CFAP299: variants seen among roughly 807,000 people sequenced by gnomAD.
CFAP299 encodes cilia and flagella associated protein 299, also known as cilia- and flagella-associated protein 299.
In CFAP299, 21 loss-of-function variants were observed where a neutral mutation model predicts 27.0. The observed-to-expected ratio is 0.78, with a 90% confidence interval of 0.55 to 1.12. The LOEUF (loss-of-function observed/expected upper bound fraction) is 1.12, where lower values mean the gene tolerates loss of function less well. Ranked by LOEUF, CFAP299 falls within the 50% of genes most tolerant of loss-of-function variation. The probability of loss-of-function intolerance (pLI) is 0.00; values close to 1 mark genes in which losing one functional copy is unlikely to be tolerated. For synonymous variants in CFAP299, 104 were observed against 98.1 expected (o/e 1.06, Z -0.36); for missense variants, 310 against 276.6 (o/e 1.12, Z -0.86).
chr4:80,436,189 A>G (rs540983621), intron 2 of CFAP299, among the ~76,000 whole-genome samples: 33 of 152,334 alleles, frequency 2.2e-4, no homozygotes, highest in African/African-American at 7.9e-4. Context: ...TAGGATTTCC[A>G]AAAATATGGT....
At chr4:80,696,880 A>G (rs1721129844) in intron 3 of CFAP299, among the ~76,000 whole-genome samples, 1 of 152,208 alleles carries the variant, frequency 6.6e-6, no homozygotes, top group African/African-American at 2.4e-5. Context: ...AAGTTGGGGA[A>G]GTAGCCAGAA....
chr4:80,535,842 A>C (rs1191513116), intron 2 of CFAP299, among the ~76,000 whole-genome samples: 1 of 152,186 alleles, frequency 6.6e-6, no homozygotes, highest in Non-Finnish European at 1.5e-5. Context: ...GTAAAGCACA[A>C]ATTATCCTTG....
chr4:80,636,964 A>G (rs1739487390), intron 3 of CFAP299, among the ~76,000 whole-genome samples: 1 of 152,212 alleles, frequency 6.6e-6, no homozygotes, highest in African/African-American at 2.4e-5. Flanking sequence ...GTTCACAAAA[A>G]TAATAATCAG....
intron 3 of CFAP299, among the ~76,000 whole-genome samples, chr4:80,727,060 G>T (rs1723205757): frequency 6.6e-6 from 1 of 152,000 alleles, no homozygotes; most frequent in South Asian, 2.1e-4. Flanking sequence ...ACAGATCAGT[G>T]GGAGTCAGGG....
At chr4:80,781,004 C>T (rs1443160828) in intron 3 of CFAP299, among the ~76,000 whole-genome samples, 1 of 151,748 alleles carries the variant, frequency 6.6e-6, no homozygotes, top group Non-Finnish European at 1.5e-5. Flanking sequence ...TTATTATATA[C>T]ATAATTATAT....
intron 3 of CFAP299, among the ~76,000 whole-genome samples, chr4:80,828,558 T>C (rs1371289148): frequency 6.6e-6 from 1 of 151,976 alleles, no homozygotes; most frequent in Non-Finnish European, 1.5e-5. Flanking sequence ...GCTGTCTTCA[T>C]GATAGTGAGT....
chr4:80,633,568 C>A (rs181005342), intron 3 of CFAP299, among the ~76,000 whole-genome samples: 1 of 152,134 alleles, frequency 6.6e-6, no homozygotes, highest in Non-Finnish European at 1.5e-5. Context: ...AATTTGCCAT[C>A]TTAAGAGACA....
intron 1 of CFAP299, among the ~76,000 whole-genome samples, chr4:80,344,340 A>T (rs2109974348): frequency 6.6e-6 from 1 of 152,238 alleles, no homozygotes; most frequent in South Asian, 2.1e-4. Context: ...ACCCCACAAA[A>T]ATACAACCAT....
intron 3 of CFAP299, among the ~76,000 whole-genome samples, chr4:80,690,145 A>G (rs1578022705): frequency 1.4e-5 from 2 of 142,342 alleles, no homozygotes; most frequent in Admixed American, 1.4e-4. Flanking sequence ...GAGACAGAAA[A>G]TCAACAAGGA....
intron 3 of CFAP299, among the ~76,000 whole-genome samples, chr4:80,765,669 T>G (rs902875215): frequency 6.6e-6 from 1 of 152,008 alleles, no homozygotes; most frequent in Admixed American, 6.6e-5. Context: ...AACATGCAGG[T>G]TTGTTAGCAC....
chr4:80,919,800 T>C (rs1011163015), intron 4 of CFAP299, among the ~76,000 whole-genome samples: 3 of 152,058 alleles, frequency 2.0e-5, no homozygotes, highest in African/African-American at 4.8e-5. Context: ...AAGAGAGCAC[T>C]AATTTTTTTT....
In CFAP299 at chr4:80,556,689, G is replaced by T. The variant is rs368631421; in HGVS notation, c.243-26404G>T. Among the ~76,000 whole-genome samples, 3 of 151,912 alleles carry T rather than the reference G, an allele frequency of 2.0e-5. No homozygotes were observed. The South Asian group carries it at 6.2e-4, about 31-fold the overall frequency. On this transcript the variant is annotated intron_variant, in intron 2 of 5. Coordinates refer to ENST00000358105, the MANE Select transcript of CFAP299 (RefSeq NM_152770.3). ...TAACATGAAATTTTGCTGTTGGAAA[G>T]TCTGTCAGATTTCAAAGGTTTAAGA...
chr4:80,924,536 G>GTGTA (rs1553906734), intron 4 of CFAP299, among the ~76,000 whole-genome samples: 114 of 130,996 alleles, frequency 8.7e-4, no homozygotes, highest in African/African-American at 3.9e-3. Context: ...GTGTGTGTGT[G>GTGTA]TGTATATATA....
intron 2 of CFAP299, among the ~76,000 whole-genome samples, chr4:80,443,235 A>G (rs1362569765): frequency 6.6e-6 from 1 of 152,146 alleles, no homozygotes; most frequent in Non-Finnish European, 1.5e-5. Flanking sequence ...AACAACAACA[A>G]AAATTTCAGG....
intron 3 of CFAP299, among the ~76,000 whole-genome samples, chr4:80,690,465 G>A (rs1275824178): frequency 1.3e-5 from 2 of 151,942 alleles, no homozygotes. Flanking sequence ...ACGAAATGAA[G>A]GCAGAAATAA....
intron 2 of CFAP299, among the ~76,000 whole-genome samples, chr4:80,536,528 A>G (rs979867725): frequency 1.3e-5 from 2 of 152,210 alleles, no homozygotes; most frequent in Non-Finnish European, 2.9e-5. Context: ...ATAAAAATCA[A>G]TGGAAGAAAA....
intron 2 of CFAP299, among the ~76,000 whole-genome samples, chr4:80,523,102 C>T (rs532927396): frequency 4.6e-5 from 7 of 152,206 alleles, no homozygotes; most frequent in South Asian, 2.1e-4. Flanking sequence ...AACATTTTAA[C>T]AATATTAAGT....
intron 2 of CFAP299, among the ~76,000 whole-genome samples, chr4:80,546,732 A>C (rs916937652): frequency 6.6e-6 from 1 of 152,048 alleles, no homozygotes; most frequent in Non-Finnish European, 1.5e-5. Flanking sequence ...TGCCACGTGA[A>C]ATGCTTGCTC....
intron 2 of CFAP299, among the ~76,000 whole-genome samples, chr4:80,576,762 A>G (rs572025864): frequency 2.3e-4 from 35 of 152,330 alleles, no homozygotes; most frequent in African/African-American, 7.9e-4. Context: ...ATTTTAAGGA[A>G]CTAAGGCACA....
Sources: allele counts gnomAD v4.1 joint callset (sites outside exome capture counted in the v4.1 genomes callset), GRCh38; gene constraint gnomAD v4.1.1; transcripts MANE v1.5; gene names NCBI Gene and HGNC (gene_info 2026-07-23, HGNC 2026-07-21).